The following CUL7 variants were observed in gnomAD, a reference collection of about 807,000 sequenced individuals.
The protein encoded by CUL7 is cullin-7.
CUL7 carries 96 observed loss-of-function variants against 177.7 expected under a neutral mutation model. The ratio of observed to expected loss-of-function variants is 0.54; its 90% CI spans 0.46 to 0.64. CUL7 has a LOEUF of 0.64. Among genes scored for constraint, CUL7 ranks in the 30% least tolerant of loss-of-function variants. The pLI, the probability that CUL7 is intolerant of heterozygous loss-of-function variation, is 0.00. For missense variants in CUL7, 1,893 were observed against 2,187.9 expected, an observed-to-expected ratio of 0.87 and a Z score of 2.69; for synonymous variants, 824 against 890.2, an observed-to-expected ratio of 0.93 and a Z score of 1.32.
At chr6:43,046,818 C>T in intron 10 of CUL7, 62 bp downstream of exon 10, 3 of 1,247,160 alleles carry the variant, frequency 2.4e-6, no homozygotes, top group Non-Finnish European at 3.5e-6. Flanking sequence ...CCCTTACCCG[C>T]CACTGCTTGG....
At position 43,038,383 on chromosome 6, in the gene CUL7, C is replaced by T. The variant is rs1401260265; in HGVS notation, c.4657G>A (p.Glu1553Lys). The T allele has an allele frequency of 2.5e-6, 4 of 1,614,124 alleles. No homozygotes were observed. In the South Asian group the frequency reaches 3.3e-5, roughly 13 times the overall value. The change falls in exon 25 of 26, where the codon GAG (glutamate) becomes AAG (lysine). Residue 1553 changes from glutamate (E) to lysine (K), a missense_variant. Glu to Lys is a moderately conservative substitution (Grantham distance 56). This residue lies in a region of CUL7 where 248 missense variants were observed against 262.5 expected (regional missense o/e 0.94). Transcript: ENST00000265348. Reference protein sequence around the residue: ...LIPPQTYLQAEGEDGQNLEKR... With the variant: ...LIPPQTYLQAKGEDGQNLEKR... ...TCCAAGTTCTGGCCGTCTTCACCCT[C>T]AGCTTGCAGGTACGTCTGAGGTGGG...
intron 7 of CUL7, among the ~76,000 whole-genome samples, chr6:43,049,095 T>C (rs1408011637): frequency 2.6e-5 from 4 of 152,222 alleles, no homozygotes; most frequent in Non-Finnish European, 5.9e-5. Flanking sequence ...AATAGCAAAG[T>C]AGCTTCATCT....
Position 43,040,334 on chromosome 6 carries a change from C to T in CUL7, c.4116G>A (p.Glu1372=), listed in dbSNP as rs760472995. 1 of 1,613,842 alleles carries T rather than the reference C, an allele frequency of 6.2e-7. No individual in the cohort carries two copies. The highest frequency in any genetic ancestry group is 1.1e-5 in the South Asian group (1 of 91,088). The change falls in exon 22 of 26, where the codon GAG becomes GAA. Residue 1372 remains glutamate, a synonymous_variant. Transcript: ENST00000265348. The surrounding 1 kb of genome is among the most constrained non-coding windows in gnomAD (Gnocchi z 4.2). ...AGAGGTCCTCATTCTCCTCCTCTTCCTCCTCTCCCTCCGCCACATCCACCA... is the reference window on the plus strand; with the variant it reads ...AGAGGTCCTCATTCTCCTCCTCTTCTTCCTCTCCCTCCGCCACATCCACCA... ...AAVVDVAEGE[E]EEEENEDLYY...
chr6:43,038,716 T>C, intron 23 of CUL7, 24 bp from the exon 24 acceptor site: 3 of 1,613,138 alleles, frequency 1.9e-6, no homozygotes, highest in Non-Finnish European at 2.5e-6. Flanking sequence ...ATGGGAGACA[T>C]TCAGGGCCTC....
Position 43,052,793 on chromosome 6 carries a change from G to A in CUL7, c.-5C>T. On this transcript the variant is annotated 5_prime_UTR_variant, in exon 2 of 26. Coordinates refer to ENST00000265348, the MANE Select transcript of CUL7 (RefSeq NM_014780.5). This position sits in a 1 kb window ranked among gnomAD's most constrained non-coding sequence, Gnocchi z 4.5. ...GTAGCGGAGTTCTCCCACCATCCTG[G>A]CACCTGGAGCACACAAGGAAAAGAG... The A allele has an allele frequency of 6.2e-7, 1 of 1,602,196 alleles. No individual in the cohort carries two copies. Among genetic ancestry groups the A allele is most frequent in the South Asian group, 1.1e-5 (1 of 91,042 alleles).
At position 43,045,119 on chromosome 6, in the gene CUL7, G is replaced by T; in HGVS notation, c.3038+108C>A. 7.0e-7 allele frequency: 1 copy of T among 1,429,078 alleles called. No homozygotes were observed. Among genetic ancestry groups the T allele is most frequent in the Non-Finnish European group, 9.6e-7 (1 of 1,040,830 alleles). The allele number at this position is 1,429,078 out of a possible 1,614,324, so 88.5% of individuals were successfully genotyped here. ...CAGAAAACTCCAGCCCCCTCCCCACGCATATTAAACCTCCATCTCACAGCT... is the reference window on the plus strand; with the variant it reads ...CAGAAAACTCCAGCCCCCTCCCCACTCATATTAAACCTCCATCTCACAGCT... On this transcript the variant is annotated intron_variant, in intron 15 of 25. Transcript: ENST00000265348. The surrounding 1 kb of genome is among the most constrained non-coding windows in gnomAD (Gnocchi z 4.8).
intron 12 of CUL7, 48 bp downstream of exon 12, chr6:43,046,188 C>G: frequency 6.2e-7 from 1 of 1,613,952 alleles, no homozygotes; most frequent in Non-Finnish European, 8.5e-7. Flanking sequence ...ACAGGGGCGT[C>G]ACAGGAAAGC....
chr6:43,046,623 G>A (rs771545819), intron 10 of CUL7, 22 bp from the exon 11 acceptor site: 30 of 1,613,960 alleles, frequency 1.9e-5, no homozygotes, highest in East Asian at 8.9e-5. Flanking sequence ...ACATCAGAGA[G>A]AAGGGGCACA....
At position 43,053,559 on chromosome 6, in the gene CUL7, G is replaced by T; in HGVS notation, c.-9+63C>A. ...ATGGGGACCGAGGTTGGGTGAGCGC[G>T]AGGCTCGATGGGCTAGTGGGCAGGG... On this transcript the variant is annotated intron_variant, in intron 1 of 25. Coordinates refer to ENST00000265348, the MANE Select transcript of CUL7 (RefSeq NM_014780.5). The surrounding 1 kb of genome is among the most constrained non-coding windows in gnomAD (Gnocchi z 4.1). 2 of 1,150,874 alleles carry T rather than the reference G, an allele frequency of 1.7e-6. No individual in the cohort carries two copies. The highest frequency in any genetic ancestry group is 2.3e-6 in the Non-Finnish European group (2 of 881,046). 71.3% of individuals were successfully genotyped at this position (1,150,874 alleles called of 1,614,324 possible).
intron 7 of CUL7, among the ~76,000 whole-genome samples, chr6:43,048,798 C>T (rs1561890305): frequency 6.7e-6 from 1 of 149,766 alleles, no homozygotes. Context: ...GACGGAGTCT[C>T]GCTCTGTCAC....
Position 43,051,916 on chromosome 6 carries a change from T to C in CUL7, c.581-153A>G, listed in dbSNP as rs916288645. ...GCTAAAATTTGCTAACTTATACACA[T>C]ACACACACACACGCACATAAACACG... On this transcript the variant is annotated intron_variant, in intron 2 of 25. Transcript: ENST00000265348. The surrounding 1 kb of genome is among the most constrained non-coding windows in gnomAD (Gnocchi z 5.0). Among the ~76,000 whole-genome samples, 5 of 151,980 alleles carry C rather than the reference T, an allele frequency of 3.3e-5. No individual in the cohort carries two copies. The highest frequency in any genetic ancestry group is 1.5e-5 in the Non-Finnish European group (1 of 67,964).
intron 19 of CUL7, among the ~76,000 whole-genome samples, chr6:43,042,053 AAG>A (rs779908551): frequency 3.4e-4 from 50 of 149,116 alleles, no homozygotes; most frequent in Non-Finnish European, 6.9e-4. Context: ...GAAGGAAAGA[AAG>A]AGAAAGAGAG....
In CUL7 at chr6:43,043,178, C is replaced by T. The variant is rs202214772; in HGVS notation, c.3358G>A (p.Gly1120Ser). ...PPVVATPRPKGRNRSHDWSSL... is the reference protein window; with the variant it reads ...PPVVATPRPKSRNRSHDWSSL... ...CTCCAGTCGTGGCTTCTGTTTCTGC[C>T]TTCTGTAGAGACCAAGAAAGTGGCA... Residue 1120 changes from glycine to serine, a missense_variant and splice_region_variant, in exon 18 of 26, where the codon GGC becomes AGC. Physicochemically the swap from Gly to Ser is moderately conservative, Grantham distance 56. Transcript: ENST00000265348. This position sits in a 1 kb window ranked among gnomAD's most constrained non-coding sequence, Gnocchi z 4.2. 2.5e-6 allele frequency: 4 copies of T among 1,613,324 alleles called. No individual in the cohort carries two copies. In the East Asian group the frequency reaches 8.9e-5, roughly 36 times the overall value.
At position 43,050,934 on chromosome 6, in the gene CUL7, C is replaced by T. The variant is rs1764341514; in HGVS notation, c.1233+34G>A. On this transcript the variant is annotated intron_variant, in intron 4 of 25. Coordinates refer to ENST00000265348, the MANE Select transcript of CUL7 (RefSeq NM_014780.5). The surrounding 1 kb of genome is among the most constrained non-coding windows in gnomAD (Gnocchi z 4.1). Reference sequence around the variant, plus strand: ...CAGCTCTGCCCTACCCCAAATAGACCCCCAACAGTATCCCACCACCATGTG... The same window carrying T: ...CAGCTCTGCCCTACCCCAAATAGACTCCCAACAGTATCCCACCACCATGTG... 4 of 1,612,278 alleles carry T rather than the reference C, an allele frequency of 2.5e-6. No homozygotes were observed. Among genetic ancestry groups the T allele is most frequent in the Non-Finnish European group, 2.5e-6 (3 of 1,179,840 alleles).
intron 12 of CUL7, 70 bp downstream of exon 12, chr6:43,046,166 C>A (rs746954457): frequency 1.1e-5 from 17 of 1,613,150 alleles, no homozygotes; most frequent in Non-Finnish European, 1.4e-5. Flanking sequence ...TGGTGCTTCC[C>A]CCAAAACAAA....
chr6:43,051,455 A>T lies in CUL7; in HGVS notation c.746T>A (p.Val249Glu). The change falls in exon 4 of 26, where the codon GTG (valine) becomes GAG (glutamate). Residue 249 changes from valine to glutamate, a missense_variant. By Grantham distance (121) the Val-to-Glu change is moderately radical (BLOSUM62 -2). Around this residue, in one of 5 missense-constraint regions of CUL7, gnomAD observed 653 missense variants for 725.2 expected, o/e 0.90. Transcript: ENST00000265348. This position sits in a 1 kb window ranked among gnomAD's most constrained non-coding sequence, Gnocchi z 5.0. Reference protein sequence around the residue: ...GIQLPQVPGRVLFSLVKRYLH... With the variant: ...GIQLPQVPGRELFSLVKRYLH... Reference sequence around the variant, plus strand: ...ATACCGCTTCACCAGGGAGAAGAGCACCCTTCCTGGGACCTGTGGGATACA... The same window carrying T: ...ATACCGCTTCACCAGGGAGAAGAGCTCCCTTCCTGGGACCTGTGGGATACA... 1.2e-6 allele frequency: 2 copies of T among 1,613,858 alleles called. No homozygotes were observed. The highest frequency in any genetic ancestry group is 2.2e-5 in the South Asian group (2 of 91,058).
Position 43,043,531 on chromosome 6 carries a change from G to A in CUL7, c.3272C>T (p.Ser1091Leu), listed in dbSNP as rs775039766. 1.2e-5 allele frequency: 20 copies of A among 1,614,014 alleles called. No individual in the cohort carries two copies. The Middle Eastern group carries it at 4.9e-4, about 40-fold the overall frequency. The change falls in exon 17 of 26, where the codon TCG becomes TTG. Residue 1091 changes from serine to leucine, a missense_variant. Physicochemically the swap from Ser to Leu is moderately radical, Grantham distance 145 (BLOSUM62 -2). Around this residue, in one of 5 missense-constraint regions of CUL7, gnomAD observed 973 missense variants for 1,140.9 expected, o/e 0.85. Coordinates refer to ENST00000265348, the MANE Select transcript of CUL7 (RefSeq NM_014780.5). This position sits in a 1 kb window ranked among gnomAD's most constrained non-coding sequence, Gnocchi z 4.2. ...NPQSRGPAFF[S>L]RVRRLTHLLV... is the part of the protein sequence containing the mutation. ...CAGGTGAGTGAGACGGCGCACCCGC[G>A]AGAAGAAAGCTGGGCCGCGGCTCTG...
Position 43,040,708 on chromosome 6 carries a change from C to T in CUL7, c.3845G>A (p.Ser1282Asn). Residue 1282 changes from serine (S) to asparagine (N), a missense_variant, in exon 21 of 26, where the codon AGC becomes AAC. Ser to Asn is a conservative substitution (Grantham distance 46). Coordinates refer to ENST00000265348, the MANE Select transcript of CUL7 (RefSeq NM_014780.5). The surrounding 1 kb of genome is among the most constrained non-coding windows in gnomAD (Gnocchi z 4.2). Reference protein sequence around the residue: ...MADRLLGVVSSWLEGAVLEQI... With the variant: ...MADRLLGVVSNWLEGAVLEQI... The stretch of plus-strand genomic sequence containing the variant: ...CTCCAGCACGGCCCCCTCCAGCCAG[C>T]TCGAGACCACGCCCAGGAGACGGTC... 1 of 1,614,166 alleles carries T rather than the reference C, an allele frequency of 6.2e-7. No homozygotes were observed. Among genetic ancestry groups the T allele is most frequent in the Non-Finnish European group, 8.5e-7 (1 of 1,180,044 alleles).
intron 19 of CUL7, among the ~76,000 whole-genome samples, chr6:43,042,345 CTTT>C (rs1423561645): frequency 3.3e-5 from 5 of 151,258 alleles, no homozygotes; most frequent in Non-Finnish European, 7.4e-5. Context: ...TTGTTTTTTT[CTTT>C]TTTTTGAGAT....
Sources: allele counts gnomAD v4.1 joint callset (sites outside exome capture counted in the v4.1 genomes callset), GRCh38; gene constraint gnomAD v4.1.1; regional missense constraint gnomAD v4.1.1; non-coding constraint Gnocchi (gnomAD v3.1); transcripts MANE v1.5; gene names NCBI Gene and HGNC (gene_info 2026-07-23, HGNC 2026-07-21).